Variants in FHIP1A observed in about 807,000 individuals in gnomAD.
FHIP1A encodes FHF complex subunit HOOK-interacting protein 1A.
Under a neutral mutation model 88.6 loss-of-function variants are expected in FHIP1A, and 61 were observed. The observed-to-expected ratio is 0.69, with a 90% CI of 0.56 to 0.85. The LOEUF (loss-of-function observed/expected upper bound fraction) is 0.85, where lower values mean the gene tolerates loss of function less well. FHIP1A is among the 40% of genes least tolerant of loss of function. FHIP1A has a pLI of 0.00. For synonymous variants in FHIP1A, 478 were observed against 496.0 expected, an observed-to-expected ratio of 0.96 and a Z score of 0.48; for missense variants, 1,154 against 1,273.5, an observed-to-expected ratio of 0.91 and a Z score of 1.43.
At chr4:151,587,436 T>C (rs945368377) in intron 6 of FHIP1A, among the ~76,000 whole-genome samples, 5 of 152,054 alleles carry the variant, frequency 3.3e-5, no homozygotes, top group Non-Finnish European at 7.4e-5. Flanking sequence ...ATAAAAAATA[T>C]TTTAGTTCCA....
chr4:151,415,197 T>A (rs1272094995), intron 1 of FHIP1A, among the ~76,000 whole-genome samples: 1 of 151,920 alleles, frequency 6.6e-6, no homozygotes, highest in East Asian at 1.9e-4. Context: ...TTTTTTTTGT[T>A]TTTTTTTGAG....
At chr4:151,630,697 A>G (rs960432448) in intron 8 of FHIP1A, among the ~76,000 whole-genome samples, 1 of 152,214 alleles carries the variant, frequency 6.6e-6, no homozygotes, top group East Asian at 1.9e-4. Flanking sequence ...CTTATCAGCA[A>G]CATAATACAC....
chr4:151,571,940 G>A (rs1348875212), intron 4 of FHIP1A, among the ~76,000 whole-genome samples: 4 of 152,228 alleles, frequency 2.6e-5, no homozygotes, highest in Non-Finnish European at 5.9e-5. Context: ...GGGTGCAGTG[G>A]CTCTTGCCTG....
At chr4:151,507,490 AT>A (rs1348486128) in intron 3 of FHIP1A, among the ~76,000 whole-genome samples, 3 of 151,966 alleles carry the variant, frequency 2.0e-5, no homozygotes, top group Admixed American at 2.0e-4. Context: ...TAGATTATTT[AT>A]TTTTTCCCTC....
At chr4:151,434,888 A>G (rs949155900) in intron 1 of FHIP1A, among the ~76,000 whole-genome samples, 1 of 152,058 alleles carries the variant, frequency 6.6e-6, no homozygotes, top group Non-Finnish European at 1.5e-5. Flanking sequence ...CTAAGAAAAT[A>G]TCTTTTCTTT....
chr4:151,608,937 G>C lies in FHIP1A; in HGVS notation c.978+20011G>C, dbSNP rs1346339568. On this transcript the variant is annotated intron_variant, in intron 7 of 13. Coordinates refer to ENST00000435205, the MANE Select transcript of FHIP1A (RefSeq NM_001109977.3). ...GATTGTTGGGTTCTTAAATATTAGG[G>C]GTTCCAAGAATGTGTTTCGGCCTCT... Among the ~76,000 whole-genome samples, 4 of 152,132 alleles carry C rather than the reference G, an allele frequency of 2.6e-5. No individual in the cohort carries two copies. The East Asian group carries it at 7.7e-4, about 29-fold the overall frequency.
intron 7 of FHIP1A, among the ~76,000 whole-genome samples, chr4:151,590,329 T>A (rs1321602757): frequency 2.6e-5 from 4 of 152,242 alleles, no homozygotes; most frequent in African/African-American, 9.6e-5. Context: ...ATAATTATTA[T>A]AATTACTATT....
intron 13 of FHIP1A, among the ~76,000 whole-genome samples, chr4:151,658,822 C>T (rs917870796): frequency 6.6e-6 from 1 of 152,130 alleles, no homozygotes; most frequent in African/African-American, 2.4e-5. Flanking sequence ...AAAAAGGCAC[C>T]ATTAGCTTAA....
At chr4:151,549,587 A>G (rs1732645008) in intron 3 of FHIP1A, among the ~76,000 whole-genome samples, 1 of 152,100 alleles carries the variant, frequency 6.6e-6, no homozygotes, top group Non-Finnish European at 1.5e-5. Flanking sequence ...CAGGAAACTC[A>G]TGAATAATCC....
At chr4:151,624,867 T>C (rs1735894832) in intron 7 of FHIP1A, among the ~76,000 whole-genome samples, 1 of 152,182 alleles carries the variant, frequency 6.6e-6, no homozygotes, top group African/African-American at 2.4e-5. Context: ...TTTTCAGATC[T>C]GGAGTCATTG....
chr4:151,444,377 GAA>G (rs1375763150), intron 1 of FHIP1A, among the ~76,000 whole-genome samples: 7 of 152,118 alleles, frequency 4.6e-5, no homozygotes, highest in African/African-American at 1.7e-4. Context: ...ACATATAAAA[GAA>G]TATACATAAG....
At chr4:151,563,708 T>C (rs995791147) in intron 3 of FHIP1A, among the ~76,000 whole-genome samples, 1 of 152,168 alleles carries the variant, frequency 6.6e-6, no homozygotes, top group African/African-American at 2.4e-5. Flanking sequence ...AACTAACTTG[T>C]GCTGGGCATG....
chr4:151,502,070 C>G (rs973084599), intron 3 of FHIP1A, among the ~76,000 whole-genome samples: 3 of 148,426 alleles, frequency 2.0e-5, no homozygotes, highest in East Asian at 2.0e-4. Context: ...AATCCCAGCA[C>G]TTTGGTAGGT....
Position 151,409,372 on chromosome 4 carries a change from C to A in FHIP1A, c.-449C>A, listed in dbSNP as rs1732506434. 1 of 152,318 alleles carries A rather than the reference C, an allele frequency of 6.6e-6. No individual in the cohort carries two copies. The allele number at this position is 152,318 out of a possible 1,614,324, so 9.4% of individuals were successfully genotyped here. ...TCCTCACTGGGTCCCGCGCAGGCGT[C>A]CCCGGGACCGCAGAGCAAACTTTCT... On this transcript the variant is annotated 5_prime_UTR_variant, in exon 1 of 14. Coordinates refer to ENST00000435205, the MANE Select transcript of FHIP1A (RefSeq NM_001109977.3).
At chr4:151,445,801 C>T (rs544774916) in intron 1 of FHIP1A, among the ~76,000 whole-genome samples, 1 of 143,752 alleles carries the variant, frequency 7.0e-6, no homozygotes, top group Non-Finnish European at 1.5e-5. Flanking sequence ...GCTGCAGTGA[C>T]CTATGATCAC....
At chr4:151,508,238 T>A (rs1730901526) in intron 3 of FHIP1A, among the ~76,000 whole-genome samples, 1 of 152,216 alleles carries the variant, frequency 6.6e-6, no homozygotes, top group Non-Finnish European at 1.5e-5. Context: ...ATGCAATATT[T>A]ACAAATGGAA....
chr4:151,522,189 T>G (rs1731471145), intron 3 of FHIP1A, among the ~76,000 whole-genome samples: 1 of 152,214 alleles, frequency 6.6e-6, no homozygotes, highest in African/African-American at 2.4e-5. Context: ...AAGCCATTTA[T>G]TTGCCCTTCC....
At chr4:151,526,390 AC>A (rs1304668902) in intron 3 of FHIP1A, among the ~76,000 whole-genome samples, 1 of 140,486 alleles carries the variant, frequency 7.1e-6, no homozygotes. Flanking sequence ...CGGGGGGCTG[AC>A]CCCCCCACCT....
intron 3 of FHIP1A, among the ~76,000 whole-genome samples, chr4:151,517,824 A>G (rs1580659006): frequency 6.6e-6 from 1 of 152,174 alleles, no homozygotes; most frequent in Non-Finnish European, 1.5e-5. Context: ...TAAAAATCCA[A>G]AAAAGCTTAT....
Sources: allele counts gnomAD v4.1 joint callset (sites outside exome capture counted in the v4.1 genomes callset), GRCh38; gene constraint gnomAD v4.1.1; transcripts MANE v1.5; gene names NCBI Gene and HGNC (gene_info 2026-07-23, HGNC 2026-07-21).